Variants in EXOC5 observed in about 807,000 individuals in gnomAD.
The protein encoded by EXOC5 is exocyst complex component 5, also known as SEC10-like 1.
Under a neutral mutation model 90.8 loss-of-function variants are expected in EXOC5, and 17 were observed. That is an observed-to-expected ratio of 0.19 (90% CI 0.13 to 0.28). The LOEUF (loss-of-function observed/expected upper bound fraction) is 0.28. EXOC5 is among the 10% of genes least tolerant of loss of function. The pLI is 1.00. For synonymous variants in EXOC5, 260 were observed against 270.0 expected, an observed-to-expected ratio of 0.96 and a Z score of 0.36; for missense variants, 569 against 830.6, an observed-to-expected ratio of 0.69 and a Z score of 3.87.
At chr14:57,244,884 T>C (rs1380216775) in intron 3 of EXOC5, among the ~76,000 whole-genome samples, 1 of 151,842 alleles carries the variant, frequency 6.6e-6, no homozygotes, top group African/African-American at 2.4e-5. Flanking sequence ...CAACCCCAGC[T>C]AGCTGGGAGG....
rs1016757629 is a variant in EXOC5 at position 57,201,415 on chromosome 14, TTAG to T, written c.*7191_*7193del. 1 of 128,524 alleles carries T rather than the reference TTAG, an allele frequency of 7.8e-6. No individual in the cohort carries two copies. The highest frequency in any genetic ancestry group is 1.5e-5 in the Non-Finnish European group (1 of 66,008). 8.0% of individuals were successfully genotyped at this position (128,524 alleles called of 1,614,324 possible). ...CATAGTGATATCAAGAGAATTCTGATTAGTATATATATATACACACACACACGT... is the reference window on the plus strand; with the variant it reads ...CATAGTGATATCAAGAGAATTCTGATTATATATATATACACACACACACGT... On this transcript the variant is annotated 3_prime_UTR_variant, in exon 18 of 18. Transcript: ENST00000621441.
intron 12 of EXOC5, among the ~76,000 whole-genome samples, chr14:57,225,974 G>T (rs1883295616): frequency 6.6e-6 from 1 of 152,278 alleles, no homozygotes; most frequent in East Asian, 1.9e-4. Context: ...CATGTCAGAG[G>T]TGGGTAGAGG....
At chr14:57,253,906 T>C (rs1884266325) in intron 1 of EXOC5, among the ~76,000 whole-genome samples, 1 of 151,822 alleles carries the variant, frequency 6.6e-6, no homozygotes, top group Non-Finnish European at 1.5e-5. Context: ...TAGAAGAAAA[T>C]ACAGGGTAAA....
chr14:57,216,678 T>A (rs1882985418), intron 15 of EXOC5, among the ~76,000 whole-genome samples: 1 of 152,042 alleles, frequency 6.6e-6, no homozygotes, highest in South Asian at 2.1e-4. Flanking sequence ...CCCACAACTA[T>A]AAAACTAGTA....
intron 15 of EXOC5, among the ~76,000 whole-genome samples, chr14:57,214,609 T>G (rs754058189): frequency 6.6e-6 from 1 of 152,072 alleles, no homozygotes; most frequent in East Asian, 1.9e-4. Flanking sequence ...AATGAGAGCA[T>G]AGATTTGCAG....
intron 15 of EXOC5, among the ~76,000 whole-genome samples, chr14:57,215,250 GA>G (rs1169331810): frequency 2.6e-5 from 4 of 151,590 alleles, no homozygotes; most frequent in African/African-American, 9.7e-5. Context: ...AAAAGAAGAA[GA>G]AGAATTAACA....
At chr14:57,247,804 C>T (rs1016485543) in intron 1 of EXOC5, 92 bp from the exon 2 acceptor site, 10 of 550,636 alleles carry the variant, frequency 1.8e-5, no homozygotes, top group Non-Finnish European at 3.1e-5. Flanking sequence ...TAGGTAAAAA[C>T]TTAAAATGAA....
chr14:57,218,621 T>C (rs1811110924), intron 14 of EXOC5, among the ~76,000 whole-genome samples: 1 of 152,088 alleles, frequency 6.6e-6, no homozygotes, highest in Non-Finnish European at 1.5e-5. Flanking sequence ...CTCTGCTTTG[T>C]GGCATAACAG....
At chr14:57,248,677 T>A (rs987677842) in intron 1 of EXOC5, among the ~76,000 whole-genome samples, 6 of 152,106 alleles carry the variant, frequency 3.9e-5, no homozygotes, top group Admixed American at 2.6e-4. Context: ...GGATACCACA[T>A]ATTGCCTCCT....
intron 4 of EXOC5, among the ~76,000 whole-genome samples, chr14:57,242,358 C>T (rs113824532): frequency 0.011 from 1,662 of 151,898 alleles, 39 homozygotes; most frequent in African/African-American, 0.037. Flanking sequence ...AATCCTCCTG[C>T]CTCAGCCTCC....
intron 15 of EXOC5, among the ~76,000 whole-genome samples, chr14:57,216,014 T>C (rs1254845875): frequency 6.6e-6 from 1 of 152,028 alleles, no homozygotes; most frequent in Non-Finnish European, 1.5e-5. Flanking sequence ...TCAGTTGTTT[T>C]TATACATTAT....
chr14:57,210,797 A>G (rs993389159), intron 15 of EXOC5, among the ~76,000 whole-genome samples: 1 of 152,182 alleles, frequency 6.6e-6, no homozygotes, highest in African/African-American at 2.4e-5. Flanking sequence ...AAAAAATAAG[A>G]TATTTAAGGT....
At chr14:57,235,343 T>C (rs967106749) in intron 7 of EXOC5, among the ~76,000 whole-genome samples, 2 of 152,166 alleles carry the variant, frequency 1.3e-5, no homozygotes, top group African/African-American at 2.4e-5. Context: ...TTCCATCTAC[T>C]CTCTGGTTCC....
chr14:57,225,709 G>A (rs1158352701), intron 12 of EXOC5, among the ~76,000 whole-genome samples: 2 of 152,144 alleles, frequency 1.3e-5, no homozygotes, highest in African/African-American at 4.8e-5. Context: ...CTAAGGTTAA[G>A]GACATTCCTA....
At chr14:57,238,956 T>C (rs1024166041) in intron 5 of EXOC5, among the ~76,000 whole-genome samples, 2 of 152,102 alleles carry the variant, frequency 1.3e-5, no homozygotes, top group East Asian at 3.8e-4. Flanking sequence ...TTCCATACAC[T>C]AGAAGAAATC....
intron 14 of EXOC5, among the ~76,000 whole-genome samples, chr14:57,218,974 A>G (rs1000407192): frequency 2.6e-5 from 4 of 152,056 alleles, no homozygotes; most frequent in Non-Finnish European, 5.9e-5. Flanking sequence ...AAGTGGGTAC[A>G]TGGACTTTGT....
chr14:57,250,292 T>C (rs1884153236), intron 1 of EXOC5, among the ~76,000 whole-genome samples: 1 of 152,076 alleles, frequency 6.6e-6, no homozygotes, highest in Non-Finnish European at 1.5e-5. Context: ...AGAGAGGTAA[T>C]GAGACTCCAG....
intron 13 of EXOC5, among the ~76,000 whole-genome samples, chr14:57,220,600 A>G (rs1172341951): frequency 6.6e-6 from 1 of 151,986 alleles, no homozygotes; most frequent in Non-Finnish European, 1.5e-5. Context: ...AAGAGTTCAA[A>G]AACAGTCTAG....
chr14:57,246,035 G>T (rs1884023217), intron 3 of EXOC5, among the ~76,000 whole-genome samples: 1 of 151,704 alleles, frequency 6.6e-6, no homozygotes, highest in South Asian at 2.1e-4. Flanking sequence ...GGGCGACAGA[G>T]TAAAACTCTG....
Sources: allele counts gnomAD v4.1 joint callset (sites outside exome capture counted in the v4.1 genomes callset), GRCh38; gene constraint gnomAD v4.1.1; transcripts MANE v1.5; gene names NCBI Gene and HGNC (gene_info 2026-07-23, HGNC 2026-07-21).